SLC25A39: variants seen among roughly 807,000 people sequenced by gnomAD.
The protein encoded by SLC25A39 is solute carrier family 25 member 39.
Under a neutral mutation model 46.6 loss-of-function variants are expected in SLC25A39, and 44 were observed. The ratio of observed to expected loss-of-function variants is 0.94; its 90% confidence interval spans 0.74 to 1.21. SLC25A39 has a LOEUF of 1.21. Among genes scored for constraint, SLC25A39 ranks in the 50% most tolerant of loss-of-function variants. The probability of loss-of-function intolerance (pLI) is 0.00; values close to 1 mark genes in which losing one functional copy is unlikely to be tolerated. For synonymous variants in SLC25A39, 218 were observed against 190.6 expected (o/e 1.14, Z -1.19); for missense variants, 487 against 473.0 (o/e 1.03, Z -0.28).
Position 44,323,633 on chromosome 17 carries a change from G to A in SLC25A39, c.-15-56C>T, listed in dbSNP as rs576144798. Reference sequence around the variant, plus strand: ...TCCAGGGATGGCAGGAAAGGAGGCTGGGCCACTGTGAGACTTTTGTTTTGA... The same window carrying A: ...TCCAGGGATGGCAGGAAAGGAGGCTAGGCCACTGTGAGACTTTTGTTTTGA... On this transcript the variant is annotated intron_variant, in intron 1 of 11. Coordinates refer to ENST00000377095, the MANE Select transcript of SLC25A39 (RefSeq NM_001143780.3). The A allele has an allele frequency of 5.4e-6, 7 of 1,301,082 alleles. No homozygotes were observed. The East Asian group carries it at 1.8e-4, about 33-fold the overall frequency. The allele number at this position is 1,301,082 out of a possible 1,614,324, so 80.6% of individuals were successfully genotyped here.
intron 3 of SLC25A39, 121 bp from the exon 4 acceptor site, chr17:44,322,973 A>C: frequency 9.2e-7 from 1 of 1,083,322 alleles, no homozygotes; most frequent in Non-Finnish European, 1.3e-6. Context: ...CCCACCCTGG[A>C]GCATAGTGGC....
chr17:44,323,432 C>A (rs747661113), intron 2 of SLC25A39, 46 bp downstream of exon 2: 2 of 1,447,398 alleles, frequency 1.4e-6, no homozygotes, highest in Admixed American at 2.0e-5. Context: ...AATCTCCGGT[C>A]TGCCCCATCC....
chr17:44,319,809 A>T lies in SLC25A39; in HGVS notation c.*192T>A. On this transcript the variant is annotated 3_prime_UTR_variant, in exon 12 of 12. Coordinates refer to ENST00000377095, the MANE Select transcript of SLC25A39 (RefSeq NM_001143780.3). ...GGTAAGTGATGATCCCCACGACTGGAGCAGCAGGAAGAAGTTGTGTCTGAG... is the reference window on the plus strand; with the variant it reads ...GGTAAGTGATGATCCCCACGACTGGTGCAGCAGGAAGAAGTTGTGTCTGAG... The T allele has an allele frequency of 1.7e-6, 1 of 585,894 alleles. No individual in the cohort carries two copies. The highest frequency in any genetic ancestry group is 3.0e-6 in the Non-Finnish European group (1 of 328,436). 36.3% of individuals were successfully genotyped at this position (585,894 alleles called of 1,614,324 possible).
In SLC25A39 at chr17:44,321,416, G is replaced by A. The variant is rs758388988; in HGVS notation, c.517+18C>T. 30 of 1,613,664 alleles carry A rather than the reference G, an allele frequency of 1.9e-5. No individual in the cohort carries two copies. The highest frequency in any genetic ancestry group is 2.4e-5 in the Non-Finnish European group (28 of 1,179,958). On this transcript the variant is annotated intron_variant, in intron 7 of 11. Transcript: ENST00000377095. Reference sequence around the variant, plus strand: ...AGGTGGGGACAGAGGGAGGTCAAAGGCCCAAGACTATGCTCACGGCGGGCC... The same window carrying A: ...AGGTGGGGACAGAGGGAGGTCAAAGACCCAAGACTATGCTCACGGCGGGCC...
Position 44,322,844 on chromosome 17 carries a change from G to A in SLC25A39, c.154C>T (p.Pro52Ser). 6.2e-7 allele frequency: 1 copy of A among 1,614,006 alleles called. No homozygotes were observed. Among genetic ancestry groups the A allele is most frequent in the Non-Finnish European group, 8.5e-7 (1 of 1,179,972 alleles). The change falls in exon 4 of 12, where the codon CCT becomes TCT. Residue 52 changes from proline to serine, a missense_variant. Physicochemically the swap from Pro to Ser is moderately conservative, Grantham distance 74 (BLOSUM62 -1). Transcript: ENST00000377095. ...GAGAGGCTCCACAGTCTGGAGGAAG[G>A]CATCAGCTCTAAAATACAAGGCAGC... ...QRPSMASELMPSSRLWSLSYT... is the reference protein window; with the variant it reads ...QRPSMASELMSSSRLWSLSYT...
chr17:44,323,211 C>A, intron 3 of SLC25A39, 73 bp downstream of exon 3: 2 of 1,578,166 alleles, frequency 1.3e-6, no homozygotes, highest in South Asian at 2.2e-5. Flanking sequence ...GTATGAGAAA[C>A]CACGGCCAGC....
At chr17:44,321,310 G>A (rs1460911379) in intron 7 of SLC25A39, 79 bp from the exon 8 acceptor site, 1 of 1,580,614 alleles carries the variant, frequency 6.3e-7, no homozygotes, top group Middle Eastern at 1.7e-4. Flanking sequence ...GCTGTCCCAG[G>A]TCTGGGGACC....
chr17:44,322,603 G>A, intron 4 of SLC25A39, 51 bp from the exon 5 acceptor site: 1 of 1,595,840 alleles, frequency 6.3e-7, no homozygotes, highest in African/African-American at 1.3e-5. Context: ...AACCTTGCAG[G>A]GAGGCAGTGG....
intron 1 of SLC25A39, 197 bp from the exon 2 acceptor site, chr17:44,323,774 T>C: frequency 1.7e-6 from 1 of 584,740 alleles, no homozygotes; most frequent in Non-Finnish European, 3.0e-6. Context: ...CCCAAGTAGC[T>C]GGGACTACAG....
rs962225758 is a variant in SLC25A39, at chr17:44,320,724, G to A, written c.699C>T (p.Tyr233=). 6.2e-7 allele frequency: 1 copy of A among 1,613,430 alleles called. No homozygotes were observed. The highest frequency in any genetic ancestry group is 8.5e-7 in the Non-Finnish European group (1 of 1,179,484). Residue 233 remains tyrosine, a synonymous_variant, in exon 9 of 12, where the codon TAC becomes TAT. Coordinates refer to ENST00000377095, the MANE Select transcript of SLC25A39 (RefSeq NM_001143780.3). Reference sequence around the variant, plus strand: ...TCTTCACCAGCTCATAGTTGAACCAGTACAGGGCTTGGGGTGGGGGATGCA... The same window carrying A: ...TCTTCACCAGCTCATAGTTGAACCAATACAGGGCTTGGGGTGGGGGATGCA... ...ALRDVPFSAL[Y]WFNYELVKSW... is the part of the protein sequence containing the mutation.
At chr17:44,321,399 A>G (rs766662569) in intron 7 of SLC25A39, 35 bp downstream of exon 7, 1 of 1,613,174 alleles carries the variant, frequency 6.2e-7, no homozygotes, top group Admixed American at 1.7e-5. Context: ...CGAGGTGGGG[A>G]CAGAGGGAGG....
At chr17:44,320,997 T>A in intron 8 of SLC25A39, 61 bp downstream of exon 8, 1 of 1,507,534 alleles carries the variant, frequency 6.6e-7, no homozygotes, top group South Asian at 1.3e-5. Context: ...GACTTGGCTG[T>A]AGACCCTTTG....
At chr17:44,323,617 G>A (rs1598349885) in intron 1 of SLC25A39, 40 bp from the exon 2 acceptor site, 3 of 1,424,286 alleles carry the variant, frequency 2.1e-6, no homozygotes, top group East Asian at 5.0e-5. Context: ...CTCCAGGGAT[G>A]GCAGGAAAGG....
chr17:44,323,448 C>CA (rs1567871755), intron 2 of SLC25A39, 30 bp downstream of exon 2: 40 of 1,333,788 alleles, frequency 3.0e-5, no homozygotes, highest in Admixed American at 2.0e-4. Context: ...CATCCCCACC[C>CA]GCCCCCACCC....
In SLC25A39 at chr17:44,322,341, A is replaced by T. The variant is rs2048072422; in HGVS notation, c.324+78T>A. 1.9e-6 allele frequency: 3 copies of T among 1,554,528 alleles called. No individual in the cohort carries two copies. In the Admixed American group the frequency reaches 5.1e-5, roughly 26 times the overall value. ...TCTGCGTGCCTTGCCCAATCCCTTT[A>T]CTCCTGGGTCTGCTGCCCAGCCAGA... On this transcript the variant is annotated intron_variant, in intron 5 of 11. Coordinates refer to ENST00000377095, the MANE Select transcript of SLC25A39 (RefSeq NM_001143780.3).
intron 4 of SLC25A39, 46 bp downstream of exon 4, chr17:44,322,762 C>CT (rs1567870189): frequency 6.2e-7 from 1 of 1,613,334 alleles, no homozygotes; most frequent in Admixed American, 1.7e-5. Context: ...CAAGGACTGT[C>CT]TCCCCCTTGC....
Position 44,320,178 on chromosome 17 carries a change from CG to C in SLC25A39, c.964+17del, listed in dbSNP as rs756327877. On this transcript the variant is annotated intron_variant, in intron 11 of 11. Transcript: ENST00000377095. ...CGCAGGTCCGCCATGCCCCCACCCC[CG>C]ACACCCACACACTGACCTGCAAAGA... 8 of 1,613,976 alleles carry C rather than the reference CG, an allele frequency of 5.0e-6. No homozygotes were observed. The highest frequency in any genetic ancestry group is 6.8e-6 in the Non-Finnish European group (8 of 1,179,994).
At chr17:44,322,782 T>C in intron 4 of SLC25A39, 26 bp downstream of exon 4, 1 of 1,613,948 alleles carries the variant, frequency 6.2e-7, no homozygotes, top group South Asian at 1.1e-5. Context: ...CACCCTCCCA[T>C]GCTCCCTGTG....
In SLC25A39 at chr17:44,320,682, G is replaced by A. The variant is rs201972895; in HGVS notation, c.741C>T (p.Phe247=). The A allele has an allele frequency of 9.3e-6, 15 of 1,614,116 alleles. No individual in the cohort carries two copies. The highest frequency in any genetic ancestry group is 1.7e-5 in the Admixed American group (1 of 60,020). The change falls in exon 9 of 12, where the codon TTC becomes TTT. Residue 247 remains phenylalanine, a synonymous_variant. Transcript: ENST00000377095. ...YELVKSWLNG[F]RPKDQTSVGM... ...CCACAGAAGTCTGGTCCTTCGGCCT[G>A]AACCCATTGAGCCAGCTCTTCACCA...
Sources: gnomAD v4.1 joint callset for allele counts on GRCh38, gnomAD v4.1.1 for gene constraint, MANE v1.5 for transcripts, NCBI Gene and HGNC (gene_info 2026-07-23, HGNC 2026-07-21) for gene names.